SERINC3: variants seen among roughly 807,000 people sequenced by gnomAD.
The protein encoded by SERINC3 is serine incorporator 3.
In SERINC3, 22 loss-of-function variants were observed where a neutral mutation model predicts 52.1. That is an observed-to-expected ratio of 0.42 (90% CI 0.30 to 0.60). The LOEUF (loss-of-function observed/expected upper bound fraction) is 0.60. Ranked by LOEUF, SERINC3 falls within the 20% of genes least tolerant of loss-of-function variation. SERINC3 has a pLI of 0.16. For synonymous variants in SERINC3, 226 were observed against 212.7 expected, an observed-to-expected ratio of 1.06 and a Z score of -0.54; for missense variants, 564 against 584.6, an observed-to-expected ratio of 0.96 and a Z score of 0.36.
chr20:44,509,469 A>G (rs1415356788), intron 5 of SERINC3, among the ~76,000 whole-genome samples: 1 of 152,220 alleles, frequency 6.6e-6, no homozygotes, highest in Non-Finnish European at 1.5e-5. Flanking sequence ...ACTTTCTTCC[A>G]GTGATGCATA....
At position 44,504,362 on chromosome 20, in the gene SERINC3, A is replaced by AG. The variant is rs550335776; in HGVS notation, c.875-368dup. Among the ~76,000 whole-genome samples, 34 of 152,296 alleles carry AG rather than the reference A, an allele frequency of 2.2e-4. No homozygotes were observed. The East Asian group carries it at 6.4e-3, about 29-fold the overall frequency. Reference sequence around the variant, plus strand: ...CAAAATATAAGTTATCATTGGTGGAAGGGGGGTCTGCATTGTTTTCCTTTA... The same window carrying AG: ...CAAAATATAAGTTATCATTGGTGGAAGGGGGGGTCTGCATTGTTTTCCTTTA... On this transcript the variant is annotated intron_variant, in intron 7 of 9. Coordinates refer to ENST00000342374, the MANE Select transcript of SERINC3 (RefSeq NM_006811.4).
intron 5 of SERINC3, among the ~76,000 whole-genome samples, chr20:44,507,591 C>A (rs1035573846): frequency 2.0e-5 from 3 of 152,232 alleles, no homozygotes; most frequent in Admixed American, 1.3e-4. Context: ...GCTGTGTTGG[C>A]TGAACATGGT....
Position 44,510,015 on chromosome 20 carries a change from A to C in SERINC3, c.489T>G (p.Val163=). 1 of 1,614,144 alleles carries C rather than the reference A, an allele frequency of 6.2e-7. No homozygotes were observed. The highest frequency in any genetic ancestry group is 8.5e-7 in the Non-Finnish European group (1 of 1,179,980). The stretch of plus-strand genomic sequence containing the variant: ...TGAAGAGGGCGGCCCCTATCATGCC[A>C]ACAACAAACCAGACTACAAGAACCA... The part of the protein sequence containing the change: ...GGYFSSVWFV[V]GMIGAALFIL... Residue 163 remains valine, a synonymous_variant, in exon 5 of 10, where the codon GTT becomes GTG. Coordinates refer to ENST00000342374, the MANE Select transcript of SERINC3 (RefSeq NM_006811.4).
intron 7 of SERINC3, among the ~76,000 whole-genome samples, 187 bp downstream of exon 7, chr20:44,504,614 G>C (rs941087569): frequency 1.3e-5 from 2 of 152,182 alleles, no homozygotes; most frequent in Non-Finnish European, 2.9e-5. Context: ...GTTATAAATA[G>C]CTATCAATAG....
chr20:44,510,977 G>A (rs1277001044), intron 4 of SERINC3, among the ~76,000 whole-genome samples: 5 of 151,894 alleles, frequency 3.3e-5, no homozygotes, highest in African/African-American at 7.2e-5. Flanking sequence ...GCAGTGGCAC[G>A]ATCTTGGCAC....
chr20:44,520,792 T>C (rs2425642), intron 1 of SERINC3, among the ~76,000 whole-genome samples: 3,515 of 152,302 alleles, frequency 0.023, 141 homozygotes, highest in African/African-American at 0.081. Flanking sequence ...AAAATACTTT[T>C]ATAATAAACC....
Position 44,500,418 on chromosome 20 carries a change from G to C in SERINC3, c.1300C>G (p.Gln434Glu). ...GCTGGCCACTTGCTGGTCATGCTCT[G>C]AAACTTTGCATCAGGGCTAAGAAAA... ...TSWYSPDAKF[Q>E]SMTSKWPAVW... The change falls in exon 10 of 10, where the codon CAG becomes GAG. Residue 434 changes from glutamine to glutamate, a missense_variant. Coordinates refer to ENST00000342374, the MANE Select transcript of SERINC3 (RefSeq NM_006811.4). 6.4e-7 allele frequency: 1 copy of C among 1,571,642 alleles called. No individual in the cohort carries two copies. The highest frequency in any genetic ancestry group is 8.6e-7 in the Non-Finnish European group (1 of 1,157,510).
chr20:44,519,323 G>A (rs1389529155), intron 1 of SERINC3: 1 of 491,234 alleles, frequency 2.0e-6, no homozygotes, highest in Non-Finnish European at 2.6e-6. Context: ...TGTAATCCAA[G>A]CACTCTGGGA....
At chr20:44,501,406 G>C (rs1215256324) in intron 8 of SERINC3, 106 bp from the exon 9 acceptor site, 4 of 863,842 alleles carry the variant, frequency 4.6e-6, no homozygotes, top group Admixed American at 2.2e-5. Flanking sequence ...TCCTACTTTG[G>C]AGACTGAAAG....
At chr20:44,496,582 C>A (rs1267976977), downstream of SERINC3, among the ~76,000 whole-genome samples, 3 of 152,124 alleles carry the variant, frequency 2.0e-5, no homozygotes, top group African/African-American at 4.8e-5. Flanking sequence ...TCACCTGAGG[C>A]CAGGAGTTCG....
At position 44,506,961 on chromosome 20, in the gene SERINC3, A is replaced by G. The variant is rs1401550759; in HGVS notation, c.649T>C (p.Ser217Pro). The change falls in exon 6 of 10, where the codon TCA (serine) becomes CCA (proline). Residue 217 changes from serine (S) to proline (P), a missense_variant. Transcript: ENST00000342374. ...TAGAGCAGCCCGACACAGATGATTG[A>G]CAGGATATAAAAGGCGCTTGTGAAA... is the stretch of plus-strand genomic sequence containing the variant. ...LSFTSAFYIL[S>P]IICVGLLYTY... The G allele has an allele frequency of 1.2e-6, 2 of 1,607,572 alleles. No individual in the cohort carries two copies. The highest frequency in any genetic ancestry group is 1.7e-6 in the Non-Finnish European group (2 of 1,177,858).
Position 44,521,955 on chromosome 20 carries a change from G to A in SERINC3, c.-4C>T, listed in dbSNP as rs373058843. On this transcript the variant is annotated 5_prime_UTR_variant, in exon 1 of 10. Transcript: ENST00000342374. ...AGACACCCAGCACAGCCCCCATGGT[G>A]ACGCCAGTGATGGAGGTGGCCGGTC... 6.2e-7 allele frequency: 1 copy of A among 1,610,454 alleles called. No individual in the cohort carries two copies. The highest frequency in any genetic ancestry group is 1.3e-5 in the African/African-American group (1 of 74,874).
chr20:44,504,938 G>T, intron 6 of SERINC3, 47 bp from the exon 7 acceptor site: 1 of 1,486,108 alleles, frequency 6.7e-7, no homozygotes, highest in South Asian at 1.2e-5. Flanking sequence ...GCCAAGGGCT[G>T]ACTTTCCAAA....
chr20:44,504,139 T>C (rs2123037840), intron 7 of SERINC3, 144 bp from the exon 8 acceptor site: 3 of 554,130 alleles, frequency 5.4e-6, no homozygotes, highest in South Asian at 6.0e-5. Flanking sequence ...TAGCAGTCAG[T>C]AGTAACACGT....
chr20:44,506,584 CAAAAA>C (rs1191331026), intron 6 of SERINC3, among the ~76,000 whole-genome samples: 94 of 14,234 alleles, frequency 6.6e-3, no homozygotes, highest in African/African-American at 0.012. Context: ...GACTCCATCT[CAAAAA>C]AAAAAAAAAA....
In SERINC3 at chr20:44,512,815, C is replaced by T. The variant is rs906502147; in HGVS notation, c.381G>A (p.Ala127=). The T allele has an allele frequency of 1.5e-5, 24 of 1,573,544 alleles. No individual in the cohort carries two copies. Among genetic ancestry groups the T allele is most frequent in the African/African-American group, 5.6e-5 (4 of 71,962 alleles). ...ATCTAACATACCCATTGTGTACTGC[C>T]GCTCGGAGATCTTTACTTGTTTTTA... ...FKVKTSKDLR[A]AVHNGFWFFK... Residue 127 remains alanine (A), a synonymous_variant, in exon 3 of 10, where the codon GCG becomes GCA. Coordinates refer to ENST00000342374, the MANE Select transcript of SERINC3 (RefSeq NM_006811.4).
At chr20:44,521,675 C>T (rs1449020186) in intron 1 of SERINC3, among the ~76,000 whole-genome samples, 22 of 152,262 alleles carry the variant, frequency 1.4e-4, no homozygotes, top group Admixed American at 1.4e-3. Context: ...GCGGAGCCAT[C>T]CGAATTGTAA....
downstream of SERINC3, among the ~76,000 whole-genome samples, chr20:44,497,095 G>A (rs576097242): frequency 6.6e-6 from 1 of 152,280 alleles, no homozygotes; most frequent in Non-Finnish European, 1.5e-5. Flanking sequence ...TCCCTGATCT[G>A]AAAGCCAGGG....
chr20:44,510,095 T>C, intron 4 of SERINC3, 67 bp from the exon 5 acceptor site: 1 of 1,473,720 alleles, frequency 6.8e-7, no homozygotes, highest in Non-Finnish European at 9.4e-7. Flanking sequence ...TCCAACATTC[T>C]GAACGGATTT....
Sources: allele counts gnomAD v4.1 joint callset (sites outside exome capture counted in the v4.1 genomes callset), GRCh38; gene constraint gnomAD v4.1.1; transcripts MANE v1.5; gene names NCBI Gene and HGNC (gene_info 2026-07-23, HGNC 2026-07-21).